The following PREX1 variants were observed in gnomAD, a reference collection of about 807,000 sequenced individuals.
PREX1 encodes phosphatidylinositol 3,4,5-trisphosphate-dependent Rac exchanger 1 protein.
In PREX1, 41 loss-of-function variants were observed where a neutral mutation model predicts 198.3. The observed-to-expected ratio is 0.21, with a 90% CI of 0.16 to 0.27. PREX1 has a LOEUF of 0.27. Ranked by LOEUF, PREX1 falls within the 10% of genes least tolerant of loss-of-function variation. PREX1 has a pLI of 1.00. For missense variants in PREX1, 1,620 were observed against 2,200.7 expected, an observed-to-expected ratio of 0.74 and a Z score of 5.28; for synonymous variants, 843 against 887.2, an observed-to-expected ratio of 0.95 and a Z score of 0.89.
chr20:48,681,663 G>C (rs2089751661), intron 10 of PREX1, among the ~76,000 whole-genome samples: 1 of 148,640 alleles, frequency 6.7e-6, no homozygotes, highest in Admixed American at 6.8e-5. Context: ...CAGGTTGGTG[G>C]ATGAGTGACT....
At chr20:48,719,759 C>T (rs536493297) in intron 5 of PREX1, among the ~76,000 whole-genome samples, 11 of 152,246 alleles carry the variant, frequency 7.2e-5, no homozygotes, top group East Asian at 3.9e-4. Flanking sequence ...CATCTCCTAC[C>T]CGAACCACTG....
chr20:48,786,782 G>C (rs1444821921), intron 1 of PREX1, among the ~76,000 whole-genome samples: 1 of 143,448 alleles, frequency 7.0e-6, no homozygotes, highest in African/African-American at 2.6e-5. Context: ...AAAAAGAGAA[G>C]AGTAGAAAAG....
intron 23 of PREX1, among the ~76,000 whole-genome samples, chr20:48,650,639 G>T (rs1270882705): frequency 6.6e-6 from 1 of 152,230 alleles, no homozygotes; most frequent in African/African-American, 2.4e-5. Context: ...GGGCCAACGT[G>T]TCCCCACCAC....
the PREX1 span, among the ~76,000 whole-genome samples, chr20:48,879,055 T>C: frequency 6.6e-6 from 1 of 152,172 alleles, no homozygotes; most frequent in Non-Finnish European, 1.5e-5. Context: ...GATTCAGCCA[T>C]GCCTGAATCC....
intron 31 of PREX1, 91 bp downstream of exon 31, chr20:48,637,620 C>T: frequency 7.6e-7 from 1 of 1,313,680 alleles, no homozygotes; most frequent in Non-Finnish European, 1.0e-6. Flanking sequence ...GCGTTGCCTC[C>T]CCCCGTCCAG....
At chr20:48,675,581 G>C (rs1041064336) in intron 14 of PREX1, among the ~76,000 whole-genome samples, 1 of 152,214 alleles carries the variant, frequency 6.6e-6, no homozygotes, top group African/African-American at 2.4e-5. Flanking sequence ...AGTTCATAGA[G>C]ACAGAAAGTA....
the PREX1 span, among the ~76,000 whole-genome samples, chr20:48,871,950 G>A: frequency 6.6e-6 from 1 of 152,096 alleles, no homozygotes; most frequent in East Asian, 1.9e-4. Flanking sequence ...ACGAGGTCAG[G>A]AGATCGAGAC....
At chr20:48,866,186 A>G in the PREX1 span, among the ~76,000 whole-genome samples, 2 of 152,160 alleles carry the variant, frequency 1.3e-5, no homozygotes, top group African/African-American at 4.8e-5. Flanking sequence ...TCCTGGCCTC[A>G]AGGGATCCTC....
At chr20:48,680,695 G>T (rs1189998255) in intron 11 of PREX1, among the ~76,000 whole-genome samples, 1 of 151,530 alleles carries the variant, frequency 6.6e-6, no homozygotes, top group Non-Finnish European at 1.5e-5. Flanking sequence ...GGTGGCTCAG[G>T]TCCTGGTTCC....
chr20:48,657,911 G>A (rs1424034361), intron 17 of PREX1, among the ~76,000 whole-genome samples: 1 of 152,164 alleles, frequency 6.6e-6, no homozygotes, highest in Non-Finnish European at 1.5e-5. Flanking sequence ...GGCAGTGGTG[G>A]AACACACCAG....
rs977740423 is a variant in PREX1 at position 48,650,430 on chromosome 20, A to G, written c.2818-224T>C. Reference sequence around the variant, plus strand: ...AGGCCTCGGGGTGCCCACCCCATGCATGGCTCCATTTTGGCTGCCCCTGAA... The same window carrying G: ...AGGCCTCGGGGTGCCCACCCCATGCGTGGCTCCATTTTGGCTGCCCCTGAA... On this transcript the variant is annotated intron_variant, in intron 23 of 39. Coordinates refer to ENST00000371941, the MANE Select transcript of PREX1 (RefSeq NM_020820.4). Among the ~76,000 whole-genome samples, 3 of 152,184 alleles carry G rather than the reference A, an allele frequency of 2.0e-5. No individual in the cohort carries two copies. In the East Asian group the frequency reaches 5.8e-4, roughly 29 times the overall value.
At chr20:48,673,439 T>C (rs1170539342) in intron 14 of PREX1, among the ~76,000 whole-genome samples, 1 of 152,128 alleles carries the variant, frequency 6.6e-6, no homozygotes, top group Non-Finnish European at 1.5e-5. Flanking sequence ...AGGCATGGGA[T>C]TCACCCTGGG....
chr20:48,826,722 G>C (rs1414775934), intron 1 of PREX1, among the ~76,000 whole-genome samples: 1 of 152,174 alleles, frequency 6.6e-6, no homozygotes, highest in Non-Finnish European at 1.5e-5. Flanking sequence ...GGCCGTGGTG[G>C]CTGGCGCGTG....
At chr20:48,704,214 A>C (rs111952230) in intron 6 of PREX1, among the ~76,000 whole-genome samples, 3 of 152,258 alleles carry the variant, frequency 2.0e-5, no homozygotes, top group South Asian at 4.1e-4. Flanking sequence ...AACCCAGACA[A>C]GCAGCCTCCA....
rs1287300161 is a variant in PREX1, at chr20:48,645,876, T to C, written c.3487A>G (p.Thr1163Ala). 6.2e-7 allele frequency: 1 copy of C among 1,614,058 alleles called. No individual in the cohort carries two copies. The highest frequency in any genetic ancestry group is 1.7e-5 in the Admixed American group (1 of 60,006). The change falls in exon 26 of 40, where the codon ACC becomes GCC. Residue 1163 changes from threonine to alanine, a missense_variant. Coordinates refer to ENST00000371941, the MANE Select transcript of PREX1 (RefSeq NM_020820.4). ...EEDQEDSGHD[T>A]MSYRDSYSEC... Reference sequence around the variant, plus strand: ...CTGTAGGAGTCGCGATAACTCATGGTGTCGTGGCCTGAGTCCTCCTGGTCC... The same window carrying C: ...CTGTAGGAGTCGCGATAACTCATGGCGTCGTGGCCTGAGTCCTCCTGGTCC...
chr20:48,627,444 C>A, intron 39 of PREX1, 104 bp downstream of exon 39: 1 of 1,269,680 alleles, frequency 7.9e-7, no homozygotes, highest in Non-Finnish European at 1.1e-6. Flanking sequence ...AGAGGGGAAG[C>A]CCCATCTGAG....
chr20:48,634,915 G>A, intron 32 of PREX1, 140 bp from the exon 33 acceptor site: 1 of 664,776 alleles, frequency 1.5e-6, no homozygotes, highest in Non-Finnish European at 2.7e-6. Flanking sequence ...TGACTCTCCA[G>A]AGTGGATGTG....
intron 39 of PREX1, among the ~76,000 whole-genome samples, chr20:48,627,020 C>T (rs1395607389): frequency 1.3e-5 from 2 of 152,280 alleles, no homozygotes; most frequent in South Asian, 2.1e-4. Context: ...ATGCCAAAGA[C>T]GGCAGGAACA....
chr20:48,650,078 G>C lies in PREX1; in HGVS notation c.2946C>G (p.Pro982=). 2 of 1,614,214 alleles carry C rather than the reference G, an allele frequency of 1.2e-6. No homozygotes were observed. The highest frequency in any genetic ancestry group is 1.7e-6 in the Non-Finnish European group (2 of 1,180,026). ...CHINLMEVSY[P]KTTPSVGRSF... ...ACCTGCCCACTGAGGGGGTGGTCTT[G>C]GGGTAGGACACTTCCATGAGGTTGA... Residue 982 remains proline (P), a synonymous_variant, in exon 24 of 40, where the codon CCC becomes CCG. Transcript: ENST00000371941.
Sources: gnomAD v4.1 joint callset for allele counts (sites outside exome capture counted in the v4.1 genomes callset) on GRCh38, gnomAD v4.1.1 for gene constraint, MANE v1.5 for transcripts, NCBI Gene and HGNC (gene_info 2026-07-23, HGNC 2026-07-21) for gene names.